YARS2: variants seen among roughly 807,000 people sequenced by gnomAD.
YARS2 encodes the protein tyrosine--tRNA ligase, mitochondrial.
Under a neutral mutation model 45.0 loss-of-function variants are expected in YARS2, and 38 were observed. The ratio of observed to expected loss-of-function variants is 0.84; its 90% CI spans 0.65 to 1.11. The LOEUF (loss-of-function observed/expected upper bound fraction) is 1.11, where lower values mean the gene tolerates loss of function less well. Ranked by LOEUF, YARS2 falls within the 50% of genes least tolerant of loss-of-function variation. The probability of loss-of-function intolerance (pLI) is 0.00; values close to 1 mark genes in which losing one functional copy is unlikely to be tolerated. For synonymous variants in YARS2, 287 were observed against 245.1 expected (o/e 1.17, Z -1.60); for missense variants, 602 against 599.8 (o/e 1.00, Z -0.04).
At chr12:32,750,212 T>G (rs190866316) in intron 3 of YARS2, 105 bp from the exon 4 acceptor site, 7 of 1,434,696 alleles carry the variant, frequency 4.9e-6, no homozygotes, top group Non-Finnish European at 6.7e-6. Context: ...GACTAAAAGT[T>G]TTTTTTTGAG....
rs371406996 is a variant in YARS2, at chr12:32,750,263, A to G, written c.1104-156T>C. ...GTTGCCCCGGCTGGATTGCAATGGC[A>G]TGATCTCGGCTCACAGCAACCTCTG... On this transcript the variant is annotated intron_variant, in intron 3 of 4. Transcript: ENST00000324868. Among the ~76,000 whole-genome samples the G allele has an allele frequency of 2.2e-3, 334 of 152,152 alleles. 1 individual carries two copies. The highest frequency in any genetic ancestry group is 0.02 in the Middle Eastern group (6 of 294).
In YARS2 at chr12:32,755,415, T is replaced by G. The variant is rs1466164854; in HGVS notation, c.460A>C (p.Asn154His). 2.5e-6 allele frequency: 4 copies of G among 1,613,636 alleles called. No homozygotes were observed. In the Admixed American group the frequency reaches 6.7e-5, roughly 27 times the overall value. Residue 154 changes from asparagine to histidine, a missense_variant, in exon 1 of 5, where the codon AAT becomes CAT. Physicochemically the swap from Asn to His is moderately conservative, Grantham distance 68 (BLOSUM62 1). Coordinates refer to ENST00000324868, the MANE Select transcript of YARS2 (RefSeq NM_001040436.3). ...CCATCAGTGAAAAGCTGCTGGTGAT[T>G]AGCCGCCAGGGCCTCAAGCCCTAGG... ...LRLGLEALAA[N>H]HQQLFTDGRS...
intron 4 of YARS2, among the ~76,000 whole-genome samples, chr12:32,748,457 T>C (rs774187060): frequency 7.9e-5 from 12 of 151,782 alleles, no homozygotes; most frequent in Non-Finnish European, 1.5e-5. Context: ...ATTTAGCTTA[T>C]ATAATATTAA....
intron 4 of YARS2, among the ~76,000 whole-genome samples, chr12:32,748,067 T>A (rs1490326710): frequency 3.9e-5 from 6 of 152,194 alleles, no homozygotes; most frequent in Non-Finnish European, 8.8e-5. Flanking sequence ...CGTGGCTAGA[T>A]CTTGGAAGTC....
rs1955833720 is a variant in YARS2 at position 32,755,602 on chromosome 12, A to G, written c.273T>C (p.His91=). The change falls in exon 1 of 5, where the codon CAT becomes CAC. Residue 91 remains histidine (H), a synonymous_variant. Transcript: ENST00000324868. ...GAAACAGGCCCAGCAGCGCAAGTAG[A>G]TGACCCACATGAAGCGAGTCTGCCG... ...DPTADSLHVG[H]LLALLGLFHL... The G allele has an allele frequency of 1.2e-6, 2 of 1,613,922 alleles. No homozygotes were observed. The highest frequency in any genetic ancestry group is 1.1e-5 in the South Asian group (1 of 91,092).
At chr12:32,752,360 T>C (rs1238865564) in intron 2 of YARS2, among the ~76,000 whole-genome samples, 1 of 152,004 alleles carries the variant, frequency 6.6e-6, no homozygotes, top group Non-Finnish European at 1.5e-5. Flanking sequence ...AATCAAATAG[T>C]GAGTTTGGCA....
intron 1 of YARS2, among the ~76,000 whole-genome samples, chr12:32,754,766 G>C (rs1955814926): frequency 6.7e-6 from 1 of 148,552 alleles, no homozygotes; most frequent in Non-Finnish European, 1.5e-5. Context: ...CCAGGCTGGA[G>C]TGCAGTGGCG....
At chr12:32,747,572 A>G (rs1384162798) in intron 4 of YARS2, among the ~76,000 whole-genome samples, 1 of 152,146 alleles carries the variant, frequency 6.6e-6, no homozygotes, top group Non-Finnish European at 1.5e-5. Context: ...TTTGAAACAC[A>G]TTCTTGCTCT....
chr12:32,747,893 A>C (rs1238323587), intron 4 of YARS2, among the ~76,000 whole-genome samples: 3 of 152,162 alleles, frequency 2.0e-5, no homozygotes, highest in African/African-American at 4.8e-5. Flanking sequence ...AAAAAAAAGA[A>C]AGACCTAGGA....
chr12:32,755,295 G>C lies in YARS2; in HGVS notation c.580C>G (p.Arg194Gly). The change falls in exon 1 of 5, where the codon CGC becomes GGC. Residue 194 changes from arginine (R) to glycine (G), a missense_variant. Arg to Gly is a moderately radical substitution (Grantham distance 125). Transcript: ENST00000324868. ...TGCCGGCTCAGCAGCGTCCCCATGC[G>C]GAAGTGACCCCCCACTGCCGCCAGG... is the stretch of plus-strand genomic sequence containing the variant. ...DFLAAVGGHF[R>G]MGTLLSRQSV... 6.2e-7 allele frequency: 1 copy of C among 1,614,134 alleles called. No individual in the cohort carries two copies. Among genetic ancestry groups the C allele is most frequent in the African/African-American group, 1.3e-5 (1 of 75,074 alleles).
chr12:32,753,778 T>C lies in YARS2; in HGVS notation c.947+140A>G, dbSNP rs773053687. 2.2e-4 allele frequency: 253 copies of C among 1,126,058 alleles called. 1 individual carries two copies. The highest frequency in any genetic ancestry group is 3.0e-4 in the Non-Finnish European group (230 of 768,142). 69.8% of individuals were successfully genotyped at this position (1,126,058 alleles called of 1,614,324 possible). A position where few individuals can be genotyped will look rare whatever the true frequency, so the allele number is the denominator to read the frequency against. On this transcript the variant is annotated intron_variant, in intron 2 of 4. Transcript: ENST00000324868. ...CTTTAGAACACAGTAAAAATTAGTC[T>C]TCTATGATGTAATGGTTTATGTACA...
chr12:32,753,018 C>G (rs1955777734), intron 2 of YARS2, among the ~76,000 whole-genome samples: 1 of 151,796 alleles, frequency 6.6e-6, no homozygotes, highest in African/African-American at 2.4e-5. Flanking sequence ...AGATCAAATC[C>G]AGAACTGGTA....
chr12:32,752,106 G>A (rs952420755), intron 2 of YARS2, among the ~76,000 whole-genome samples: 2 of 152,076 alleles, frequency 1.3e-5, no homozygotes, highest in Non-Finnish European at 2.9e-5. Context: ...GACACTCTAC[G>A]ATATTTGCAA....
intron 3 of YARS2, 92 bp from the exon 4 acceptor site, chr12:32,750,199 C>A: frequency 6.6e-7 from 1 of 1,525,120 alleles, no homozygotes; most frequent in South Asian, 1.2e-5. Context: ...TGTCCAAGTT[C>A]TAGACTAAAA....
At chr12:32,752,769 T>G (rs1264815371) in intron 2 of YARS2, 3 of 342,376 alleles carry the variant, frequency 8.8e-6, no homozygotes, top group South Asian at 2.2e-5. Context: ...AAAAAAAGAT[T>G]ATCAATTCTC....
intron 4 of YARS2, among the ~76,000 whole-genome samples, chr12:32,748,698 G>C (rs1351128193): frequency 6.6e-6 from 1 of 152,248 alleles, no homozygotes; most frequent in Non-Finnish European, 1.5e-5. Context: ...GAATCACTAA[G>C]GTGGAGTGGC....
intron 2 of YARS2, among the ~76,000 whole-genome samples, chr12:32,751,955 A>C (rs1955752880): frequency 6.6e-6 from 1 of 152,188 alleles, no homozygotes; most frequent in Admixed American, 6.5e-5. Flanking sequence ...ATGTTTACGT[A>C]TACAAATACT....
chr12:32,755,473 T>G lies in YARS2; in HGVS notation c.402A>C (p.Thr134=). ...CTCGCGCGTTGGCTCGCACGCGCTC[T>G]GTCTCCAGCGCCTCGCGTTCCTTGG... The part of the protein sequence containing the change: ...GRTKEREALE[T]ERVRANARAL... Residue 134 remains threonine (T), a synonymous_variant, in exon 1 of 5, where the codon ACA becomes ACC. Coordinates refer to ENST00000324868, the MANE Select transcript of YARS2 (RefSeq NM_001040436.3). The G allele has an allele frequency of 3.7e-6, 6 of 1,612,396 alleles. No individual in the cohort carries two copies. The highest frequency in any genetic ancestry group is 4.2e-6 in the Non-Finnish European group (5 of 1,179,480).
chr12:32,747,647 C>T (rs1160679591), intron 4 of YARS2, among the ~76,000 whole-genome samples: 2 of 152,230 alleles, frequency 1.3e-5, no homozygotes, highest in Non-Finnish European at 2.9e-5. Context: ...AAGTGATTCT[C>T]CTGCCTCAGC....
Sources: gnomAD v4.1 joint callset for allele counts (sites outside exome capture counted in the v4.1 genomes callset) on GRCh38, gnomAD v4.1.1 for gene constraint, MANE v1.5 for transcripts, NCBI Gene and HGNC (gene_info 2026-07-23, HGNC 2026-07-21) for gene names.